The following STK32A variants were observed in gnomAD, a reference collection of about 807,000 sequenced individuals.
The protein encoded by STK32A is serine/threonine kinase 32A, also known as serine/threonine-protein kinase 32A.
A neutral mutation model predicts 53.2 loss-of-function variants in STK32A; 41 were observed. The ratio of observed to expected loss-of-function variants is 0.77; its 90% CI spans 0.60 to 1.00. The LOEUF is 1.00. STK32A is among the 50% of genes least tolerant of loss of function. STK32A has a pLI of 0.00. For missense variants in STK32A, 458 were observed against 485.8 expected (o/e 0.94, Z 0.54); for synonymous variants, 166 against 162.8 (o/e 1.02, Z -0.15).
At chr5:147,322,004 T>G (rs1754345671) in intron 4 of STK32A, among the ~76,000 whole-genome samples, 1 of 152,168 alleles carries the variant, frequency 6.6e-6, no homozygotes, top group Non-Finnish European at 1.5e-5. Context: ...CAGCCTGAGG[T>G]GCAGCAGGTC....
intron 4 of STK32A, among the ~76,000 whole-genome samples, chr5:147,311,679 A>C (rs561504002): frequency 1.3e-5 from 2 of 152,064 alleles, no homozygotes; most frequent in African/African-American, 4.8e-5. Flanking sequence ...GAATCCTCTC[A>C]CCTCAACCTC....
At chr5:147,310,807 TTACTGGCTGTA>T (rs1363271753) in intron 4 of STK32A, among the ~76,000 whole-genome samples, 1 of 152,196 alleles carries the variant, frequency 6.6e-6, no homozygotes. Context: ...CTTTGCCTGA[TTACTGGCTGTA>T]TTATTCTCTG....
intron 5 of STK32A, among the ~76,000 whole-genome samples, chr5:147,337,837 A>T (rs1298659340): frequency 6.6e-6 from 1 of 152,180 alleles, no homozygotes; most frequent in Non-Finnish European, 1.5e-5. Context: ...TGGTGGTCTT[A>T]GTGTGATAGA....
At chr5:147,263,695 A>G (rs1039619241) in intron 2 of STK32A, among the ~76,000 whole-genome samples, 1 of 152,174 alleles carries the variant, frequency 6.6e-6, no homozygotes, top group African/African-American at 2.4e-5. Context: ...AAGATATAAA[A>G]TAAGGGTAAA....
chr5:147,400,679 C>A, the STK32A span: 1 of 1,613,504 alleles, frequency 6.2e-7, no homozygotes, highest in Non-Finnish European at 8.5e-7. Flanking sequence ...CTCCCATGAC[C>A]TCCATGCCTT....
At chr5:147,382,052 AG>A (rs59720441) in intron 11 of STK32A, among the ~76,000 whole-genome samples, 31,585 of 152,130 alleles carry the variant, frequency 0.21, 4,086 homozygotes, top group East Asian at 0.56. Context: ...AGCCATCCTG[AG>A]GCACATGTGG....
rs978003755 is a variant in STK32A, at chr5:147,288,597, G to T, written c.260+9199G>T. Reference sequence around the variant, plus strand: ...TTGTGGAAGGCAAAAAGGGGAGCAGGGCATCTCACATGGTGGGAGCAGGAG... The same window carrying T: ...TTGTGGAAGGCAAAAAGGGGAGCAGTGCATCTCACATGGTGGGAGCAGGAG... On this transcript the variant is annotated intron_variant, in intron 4 of 12. Transcript: ENST00000397936. Among the ~76,000 whole-genome samples, 7 of 152,196 alleles carry T rather than the reference G, an allele frequency of 4.6e-5. No individual in the cohort carries two copies. In the South Asian group the frequency reaches 8.3e-4, roughly 18 times the overall value.
chr5:147,314,977 T>C (rs11167987), intron 4 of STK32A, among the ~76,000 whole-genome samples: 31,855 of 151,936 alleles, frequency 0.21, 3,490 homozygotes, highest in Middle Eastern at 0.24. Flanking sequence ...ACTCCTGGGT[T>C]GAAGCAATCT....
chr5:147,287,365 A>G (rs569487807), intron 4 of STK32A, among the ~76,000 whole-genome samples: 1 of 152,244 alleles, frequency 6.6e-6, no homozygotes, highest in East Asian at 1.9e-4. Flanking sequence ...AGAAGTTCTG[A>G]CTTACCAGCA....
intron 5 of STK32A, among the ~76,000 whole-genome samples, chr5:147,329,373 C>A (rs911666097): frequency 6.6e-6 from 1 of 152,158 alleles, no homozygotes; most frequent in Non-Finnish European, 1.5e-5. Context: ...AGAAAAAAAT[C>A]TTAGGAATAA....
chr5:147,339,712 G>A (rs928584333), intron 5 of STK32A, among the ~76,000 whole-genome samples: 4 of 152,284 alleles, frequency 2.6e-5, no homozygotes, highest in Non-Finnish European at 5.9e-5. Context: ...TGACCTGGAT[G>A]TGAGACATGG....
chr5:147,317,120 C>G (rs1486159672), intron 4 of STK32A, among the ~76,000 whole-genome samples: 1 of 140,862 alleles, frequency 7.1e-6, no homozygotes, highest in Admixed American at 7.3e-5. Flanking sequence ...AAGTGCATAC[C>G]ACTATCTGTG....
chr5:147,256,311 G>A (rs192769172), intron 2 of STK32A, among the ~76,000 whole-genome samples: 5 of 152,300 alleles, frequency 3.3e-5, no homozygotes, highest in South Asian at 2.1e-4. Context: ...ATATAGCAGA[G>A]AGAGAGCTTG....
intron 2 of STK32A, among the ~76,000 whole-genome samples, chr5:147,266,388 C>T (rs963032810): frequency 1.1e-4 from 16 of 152,134 alleles, no homozygotes; most frequent in Admixed American, 5.2e-4. Flanking sequence ...TTGACTAGCT[C>T]ATTAAGAAGT....
At chr5:147,262,414 A>C (rs1754618348) in intron 2 of STK32A, among the ~76,000 whole-genome samples, 1 of 151,258 alleles carries the variant, frequency 6.6e-6, no homozygotes, top group Non-Finnish European at 1.5e-5. Context: ...TGATAAAGGG[A>C]TTGGTACCTC....
downstream of STK32A, among the ~76,000 whole-genome samples, chr5:147,389,156 C>T (rs1032702365): frequency 4.6e-5 from 7 of 152,152 alleles, no homozygotes; most frequent in Non-Finnish European, 8.8e-5. Context: ...AGGGGGTCAT[C>T]ACATATAAAA....
intron 7 of STK32A, among the ~76,000 whole-genome samples, chr5:147,360,537 T>G (rs1034059708): frequency 6.6e-6 from 1 of 151,836 alleles, no homozygotes; most frequent in Non-Finnish European, 1.5e-5. Flanking sequence ...CTTATTGTTC[T>G]GCTTTTGCTG....
In STK32A at chr5:147,375,071, C is replaced by T; in HGVS notation, c.904-19C>T. The T allele has an allele frequency of 6.3e-7, 1 of 1,587,664 alleles. No homozygotes were observed. Among genetic ancestry groups the T allele is most frequent in the Non-Finnish European group, 8.5e-7 (1 of 1,170,804 alleles). The stretch of plus-strand genomic sequence containing the variant: ...ATGATACAGTAATCTGAGGATTGAG[C>T]CAACTGTCTTCCTTGCAGAAAGGCA... On this transcript the variant is annotated intron_variant, in intron 10 of 12. Coordinates refer to ENST00000397936, the MANE Select transcript of STK32A (RefSeq NM_001112724.2).
intron 2 of STK32A, among the ~76,000 whole-genome samples, chr5:147,255,648 T>C (rs1754198953): frequency 6.6e-6 from 1 of 152,192 alleles, no homozygotes; most frequent in Non-Finnish European, 1.5e-5. Context: ...GTTTTAATTA[T>C]GATGCAAACT....
Sources: gnomAD v4.1 joint callset for allele counts (sites outside exome capture counted in the v4.1 genomes callset) on GRCh38, gnomAD v4.1.1 for gene constraint, MANE v1.5 for transcripts, NCBI Gene and HGNC (gene_info 2026-07-23, HGNC 2026-07-21) for gene names.